Variants in IL23R observed in about 807,000 individuals in gnomAD.
The protein encoded by IL23R is interleukin-23 receptor.
In IL23R, 34 loss-of-function variants were observed where a neutral mutation model predicts 56.9. The observed-to-expected ratio is 0.60, with a 90% CI of 0.45 to 0.80. The LOEUF is 0.80. Among genes scored for constraint, IL23R ranks in the 30% least tolerant of loss-of-function variants. The pLI is 0.00. For missense variants in IL23R, 635 were observed against 730.0 expected (o/e 0.87, Z 1.50); for synonymous variants, 230 against 249.2 (o/e 0.92, Z 0.73).
At chr1:67,247,383 C>A (rs959356184) in intron 9 of IL23R, among the ~76,000 whole-genome samples, 3 of 151,834 alleles carry the variant, frequency 2.0e-5, no homozygotes, top group African/African-American at 4.8e-5. Context: ...TGGCTCCCTG[C>A]AACCTCTGCC....
chr1:67,174,911 T>G (rs1161847702), intron 3 of IL23R, among the ~76,000 whole-genome samples: 2 of 152,136 alleles, frequency 1.3e-5, no homozygotes, highest in Admixed American at 1.3e-4. Context: ...ACCAGCAACT[T>G]ACAGCTCACA....
chr1:67,252,723 C>T (rs917147199), intron 9 of IL23R, among the ~76,000 whole-genome samples: 1 of 147,622 alleles, frequency 6.8e-6, no homozygotes, highest in East Asian at 2.0e-4. Flanking sequence ...GAGCAATGAA[C>T]AATTTGGGAA....
At chr1:67,187,709 T>C (rs920873902) in intron 4 of IL23R, among the ~76,000 whole-genome samples, 12 of 152,228 alleles carry the variant, frequency 7.9e-5, no homozygotes, top group Non-Finnish European at 1.0e-4. Context: ...TTTAGAGTTT[T>C]AGATTTAATT....
chr1:67,178,332 A>C (rs1365091334), intron 3 of IL23R, among the ~76,000 whole-genome samples: 2 of 152,176 alleles, frequency 1.3e-5, no homozygotes, highest in East Asian at 3.8e-4. Context: ...GAGGTCCTTC[A>C]CATCCCTTGT....
chr1:67,221,746 G>A (rs1297265496), intron 7 of IL23R, among the ~76,000 whole-genome samples: 2 of 152,150 alleles, frequency 1.3e-5, no homozygotes, highest in Non-Finnish European at 2.9e-5. Context: ...ATAACATTCT[G>A]GAATTGTGTT....
downstream of IL23R, among the ~76,000 whole-genome samples, chr1:67,262,412 G>C (rs1653225437): frequency 6.6e-6 from 1 of 152,116 alleles, no homozygotes; most frequent in Non-Finnish European, 1.5e-5. Flanking sequence ...ATAATGTGGT[G>C]GATAGCAAAT....
At chr1:67,228,113 TTTCTTTCTTTCTTTCC>T (rs1174098384) in intron 7 of IL23R, among the ~76,000 whole-genome samples, 1 of 131,170 alleles carries the variant, frequency 7.6e-6, no homozygotes, top group Non-Finnish European at 1.5e-5. Flanking sequence ...TTTCTCTCTC[TTTCTTTCTTTCTTTCC>T]TTCTTTCTTT....
rs1004427951 is a variant in IL23R at position 67,252,994 on chromosome 1, G to C, written c.1149-2843G>C. Among the ~76,000 whole-genome samples the C allele has an allele frequency of 9.5e-4, 145 of 152,286 alleles. 1 individual carries two copies. The highest frequency in any genetic ancestry group is 3.1e-4 in the Non-Finnish European group (21 of 68,028). On this transcript the variant is annotated intron_variant, in intron 9 of 10. Coordinates refer to ENST00000347310, the MANE Select transcript of IL23R (RefSeq NM_144701.3). ...TACTGTTACAGGCACATACTCCTAA[G>C]TCAGGTTTTCACTCTTGTCTGCCTG...
At chr1:67,159,248 T>A (rs1324379253) in intron 1 of IL23R, among the ~76,000 whole-genome samples, 1 of 149,236 alleles carries the variant, frequency 6.7e-6, no homozygotes, top group Admixed American at 6.6e-5. Context: ...CTATCAGTGA[T>A]TGATAGTGAG....
At chr1:67,206,886 T>TC (rs2102637037) in intron 5 of IL23R, 24 bp from the exon 6 acceptor site, 1 of 1,052,258 alleles carries the variant, frequency 9.5e-7, no homozygotes, top group Non-Finnish European at 1.3e-6. Context: ...AGCCAGGTCT[T>TC]TTTTTTTTTT....
At chr1:67,182,442 G>C (rs1167954094) in intron 3 of IL23R, among the ~76,000 whole-genome samples, 5 of 152,178 alleles carry the variant, frequency 3.3e-5, no homozygotes, top group Non-Finnish European at 7.4e-5. Flanking sequence ...AGCCAGGCAT[G>C]GGATATAAGC....
At chr1:67,199,737 A>G (rs931729451) in intron 4 of IL23R, among the ~76,000 whole-genome samples, 1 of 152,116 alleles carries the variant, frequency 6.6e-6, no homozygotes, top group African/African-American at 2.4e-5. Flanking sequence ...GAAAGGGTCC[A>G]TGAAGGCAGA....
At chr1:67,264,945 G>C (rs10789230), downstream of IL23R, among the ~76,000 whole-genome samples, 5 of 151,104 alleles carry the variant, frequency 3.3e-5, no homozygotes, top group African/African-American at 1.2e-4. Context: ...AGACGGGGTT[G>C]GGGGGGAACC....
At chr1:67,163,411 G>A (rs1309112035), upstream of IL23R, among the ~76,000 whole-genome samples, 1 of 125,734 alleles carries the variant, frequency 8.0e-6, no homozygotes, top group Non-Finnish European at 1.6e-5. Context: ...AGAGGTTGCA[G>A]TGACCAGAGA....
At chr1:67,204,178 C>T (rs1340721040) in intron 5 of IL23R, among the ~76,000 whole-genome samples, 4 of 152,162 alleles carry the variant, frequency 2.6e-5, no homozygotes. Flanking sequence ...ATTCTCCTGC[C>T]TCAGCCTCCC....
chr1:67,261,103 A>G (rs1444645953), downstream of IL23R, among the ~76,000 whole-genome samples: 2 of 151,458 alleles, frequency 1.3e-5, no homozygotes, highest in African/African-American at 4.8e-5. Context: ...TTTGATAAAA[A>G]TCTAAAAGCA....
At chr1:67,172,883 C>A (rs1159923895) in intron 3 of IL23R, among the ~76,000 whole-genome samples, 1 of 152,100 alleles carries the variant, frequency 6.6e-6, no homozygotes, top group African/African-American at 2.4e-5. Flanking sequence ...CTTAATCAAG[C>A]CAATCAATTC....
At chr1:67,153,098 G>A (rs1011619724) in intron 1 of IL23R, among the ~76,000 whole-genome samples, 1 of 152,144 alleles carries the variant, frequency 6.6e-6, no homozygotes, top group Admixed American at 6.6e-5. Flanking sequence ...TTGGTTGGTA[G>A]CCTATTAGTT....
intron 10 of IL23R, among the ~76,000 whole-genome samples, chr1:67,257,703 A>G (rs1558269060): frequency 6.6e-6 from 1 of 151,902 alleles, no homozygotes; most frequent in African/African-American, 2.4e-5. Flanking sequence ...TTATTTATTT[A>G]TTTGTTGTTT....
Sources: allele counts gnomAD v4.1 joint callset (sites outside exome capture counted in the v4.1 genomes callset), GRCh38; gene constraint gnomAD v4.1.1; transcripts MANE v1.5; gene names NCBI Gene and HGNC (gene_info 2026-07-23, HGNC 2026-07-21).